NLGN1: variants seen among roughly 807,000 people sequenced by gnomAD.
NLGN1 encodes neuroligin 1.
Under a neutral mutation model 65.5 loss-of-function variants are expected in NLGN1, and 12 were observed. The observed-to-expected ratio is 0.18, with a 90% CI of 0.12 to 0.30. The LOEUF (loss-of-function observed/expected upper bound fraction) is 0.30, where lower values mean the gene tolerates loss of function less well. NLGN1 is among the 10% of genes least tolerant of loss of function. NLGN1 has a pLI of 1.00. For synonymous variants in NLGN1, 350 were observed against 359.5 expected (o/e 0.97, Z 0.30); for missense variants, 750 against 1,007.1 (o/e 0.74, Z 3.46).
At chr3:174,070,581 C>T (rs940931948) in intron 4 of NLGN1, among the ~76,000 whole-genome samples, 30 of 152,114 alleles carry the variant, frequency 2.0e-4, no homozygotes, top group African/African-American at 7.0e-4. Flanking sequence ...CTGCCCACCT[C>T]AGCAATCCAA....
chr3:173,857,616 TC>T (rs1728252377), intron 4 of NLGN1, among the ~76,000 whole-genome samples: 1 of 152,020 alleles, frequency 6.6e-6, no homozygotes, highest in African/African-American at 2.4e-5. Context: ...TCATGTTGCC[TC>T]CTGGATTGCG....
intron 3 of NLGN1, among the ~76,000 whole-genome samples, chr3:173,642,940 C>CAA: frequency 6.6e-6 from 1 of 152,104 alleles, no homozygotes; most frequent in Non-Finnish European, 1.5e-5. Flanking sequence ...AAAGTCATAA[C>CAA]TGTATTAAAT....
At chr3:174,150,838 G>C (rs185391232) in intron 4 of NLGN1, among the ~76,000 whole-genome samples, 95 of 152,236 alleles carry the variant, frequency 6.2e-4, no homozygotes, top group African/African-American at 2.1e-3. Flanking sequence ...CAAAGATTAA[G>C]TTATTGATAA....
At chr3:174,009,814 C>T (rs999725732) in intron 4 of NLGN1, among the ~76,000 whole-genome samples, 2 of 152,076 alleles carry the variant, frequency 1.3e-5, no homozygotes, top group Admixed American at 1.3e-4. Flanking sequence ...GGGAAGCCTT[C>T]CTTGAGAGGA....
intron 4 of NLGN1, among the ~76,000 whole-genome samples, chr3:173,979,427 T>G (rs1718275065): frequency 6.6e-6 from 1 of 152,142 alleles, no homozygotes; most frequent in Non-Finnish European, 1.5e-5. Flanking sequence ...TTTTACAAGG[T>G]GAGCACAAGG....
intron 2 of NLGN1, among the ~76,000 whole-genome samples, chr3:173,504,016 C>G (rs533975572): frequency 1.3e-5 from 2 of 152,110 alleles, no homozygotes; most frequent in South Asian, 4.1e-4. Context: ...CATCAGAAAT[C>G]TGATAATTAG....
At chr3:173,839,000 G>A (rs1012579245) in intron 4 of NLGN1, among the ~76,000 whole-genome samples, 8 of 151,270 alleles carry the variant, frequency 5.3e-5, no homozygotes, top group Non-Finnish European at 7.4e-5. Flanking sequence ...GCCATTTTTC[G>A]TGTCTTAATT....
intron 3 of NLGN1, among the ~76,000 whole-genome samples, chr3:173,694,560 G>C (rs1249492343): frequency 6.6e-6 from 1 of 152,128 alleles, no homozygotes; most frequent in Non-Finnish European, 1.5e-5. Flanking sequence ...GATTTTGTTT[G>C]TTTGTCAGAA....
intron 1 of NLGN1, among the ~76,000 whole-genome samples, chr3:173,416,511 T>G (rs1418484787): frequency 6.6e-6 from 1 of 152,220 alleles, no homozygotes; most frequent in Non-Finnish European, 1.5e-5. Context: ...CTCATATTTC[T>G]TTTGCTTTCT....
intron 4 of NLGN1, among the ~76,000 whole-genome samples, chr3:174,096,978 T>C (rs1330285360): frequency 6.6e-6 from 1 of 152,198 alleles, no homozygotes; most frequent in Non-Finnish European, 1.5e-5. Context: ...TGTGTAATCA[T>C]GTGTGTCTAT....
intron 3 of NLGN1, among the ~76,000 whole-genome samples, chr3:173,708,830 A>C (rs1230418325): frequency 6.6e-6 from 1 of 152,212 alleles, no homozygotes; most frequent in Non-Finnish European, 1.5e-5. Context: ...TATATCAGTG[A>C]TACTAATAAG....
intron 2 of NLGN1, among the ~76,000 whole-genome samples, chr3:173,600,296 T>C (rs1337768030): frequency 6.6e-6 from 1 of 151,784 alleles, no homozygotes; most frequent in Non-Finnish European, 1.5e-5. Flanking sequence ...AGAACATAAC[T>C]ACCATGAATA....
At chr3:173,491,126 A>G (rs1393835033) in intron 2 of NLGN1, among the ~76,000 whole-genome samples, 2 of 151,788 alleles carry the variant, frequency 1.3e-5, no homozygotes, top group Non-Finnish European at 2.9e-5. Context: ...AACTTCCAAC[A>G]CTATGTTGAA....
intron 4 of NLGN1, among the ~76,000 whole-genome samples, chr3:174,032,531 T>C (rs552293006): frequency 2.1e-4 from 32 of 152,186 alleles, no homozygotes; most frequent in Non-Finnish European, 4.3e-4. Context: ...ATCTCAGGAA[T>C]GGCAGGGACA....
At chr3:174,022,161 A>G (rs1341396029) in intron 4 of NLGN1, among the ~76,000 whole-genome samples, 1 of 152,078 alleles carries the variant, frequency 6.6e-6, no homozygotes, top group African/African-American at 2.4e-5. Flanking sequence ...CTAAGAATAA[A>G]TATCCTTTTA....
At chr3:173,786,115 A>G (rs1781912572) in intron 3 of NLGN1, among the ~76,000 whole-genome samples, 1 of 152,188 alleles carries the variant, frequency 6.6e-6, no homozygotes, top group Non-Finnish European at 1.5e-5. Context: ...GTCATTTTTA[A>G]TAAGCTCCCT....
At chr3:173,770,600 A>C (rs1037289984) in intron 3 of NLGN1, among the ~76,000 whole-genome samples, 2 of 152,118 alleles carry the variant, frequency 1.3e-5, no homozygotes, top group Admixed American at 6.6e-5. Context: ...ATTCCTTTGA[A>C]GGAGTGTATG....
chr3:174,144,045 T>A (rs1722763694), intron 4 of NLGN1, among the ~76,000 whole-genome samples: 1 of 152,168 alleles, frequency 6.6e-6, no homozygotes, highest in South Asian at 2.1e-4. Context: ...TAAGTATTTC[T>A]CCTAATGCTA....
chr3:173,786,904 C>T (rs1344093891), intron 3 of NLGN1, among the ~76,000 whole-genome samples: 3 of 151,932 alleles, frequency 2.0e-5, no homozygotes, highest in South Asian at 4.2e-4. Flanking sequence ...AGTGAAACCT[C>T]GTCTCTACTA....
Sources: gnomAD v4.1 joint callset for allele counts (sites outside exome capture counted in the v4.1 genomes callset) on GRCh38, gnomAD v4.1.1 for gene constraint, MANE v1.5 for transcripts, NCBI Gene and HGNC (gene_info 2026-07-23, HGNC 2026-07-21) for gene names.